NLGN1: variants seen among roughly 807,000 people sequenced by gnomAD.
NLGN1 encodes the protein neuroligin-1.
Under a neutral mutation model 65.5 loss-of-function variants are expected in NLGN1, and 12 were observed. That is an observed-to-expected ratio of 0.18 (90% CI 0.12 to 0.30). The LOEUF is 0.30. Among genes scored for constraint, NLGN1 ranks in the 10% least tolerant of loss-of-function variants. The probability of loss-of-function intolerance (pLI) is 1.00; values close to 1 mark genes in which losing one functional copy is unlikely to be tolerated. For missense variants in NLGN1, 750 were observed against 1,007.1 expected (o/e 0.74, Z 3.46); for synonymous variants, 350 against 359.5 (o/e 0.97, Z 0.30).
At chr3:174,201,252 A>G (rs977816526) in intron 4 of NLGN1, among the ~76,000 whole-genome samples, 10 of 146,724 alleles carry the variant, frequency 6.8e-5, no homozygotes, top group African/African-American at 2.3e-4. Flanking sequence ...CGAAAAGAAC[A>G]GGAACAGGAA....
chr3:174,175,495 C>T (rs1179269801), intron 4 of NLGN1, among the ~76,000 whole-genome samples: 1 of 151,578 alleles, frequency 6.6e-6, no homozygotes, highest in Non-Finnish European at 1.5e-5. Context: ...TATCTTTTTC[C>T]CTCCGTTTAT....
intron 3 of NLGN1, among the ~76,000 whole-genome samples, chr3:173,632,388 C>T (rs1031727824): frequency 1.3e-5 from 2 of 152,228 alleles, no homozygotes; most frequent in African/African-American, 2.4e-5. Flanking sequence ...AATCAAGTGA[C>T]GAAGTTCATC....
chr3:173,621,255 A>G (rs970969760), intron 3 of NLGN1, among the ~76,000 whole-genome samples: 1 of 152,142 alleles, frequency 6.6e-6, no homozygotes, highest in African/African-American at 2.4e-5. Context: ...TTTAGGTTGA[A>G]TCAGAAAGGT....
intron 3 of NLGN1, among the ~76,000 whole-genome samples, chr3:173,677,181 T>C (rs1195395348): frequency 6.6e-6 from 1 of 152,002 alleles, no homozygotes; most frequent in Non-Finnish European, 1.5e-5. Flanking sequence ...GAAGGTTGGC[T>C]ATTATCTGGC....
At chr3:173,551,912 C>T (rs1210790434) in intron 2 of NLGN1, among the ~76,000 whole-genome samples, 6 of 152,194 alleles carry the variant, frequency 3.9e-5, no homozygotes, top group Non-Finnish European at 8.8e-5. Flanking sequence ...GTTGTAGTGG[C>T]TGCTATTTGG....
intron 3 of NLGN1, among the ~76,000 whole-genome samples, chr3:173,792,670 T>G (rs1202284822): frequency 1.3e-5 from 2 of 152,084 alleles, no homozygotes; most frequent in Non-Finnish European, 2.9e-5. Flanking sequence ...CAATGGAACT[T>G]AAGAGATAAA....
chr3:173,610,714 T>C (rs1027673815), intron 3 of NLGN1, among the ~76,000 whole-genome samples: 1 of 151,956 alleles, frequency 6.6e-6, no homozygotes, highest in Non-Finnish European at 1.5e-5. Flanking sequence ...CAAGTGGGCA[T>C]AGTGATCAAC....
chr3:173,626,148 C>A (rs188410246), intron 3 of NLGN1, among the ~76,000 whole-genome samples: 8 of 151,872 alleles, frequency 5.3e-5, no homozygotes, highest in African/African-American at 1.9e-4. Context: ...AGCTATCAAG[C>A]GCTTGAAACA....
At chr3:173,976,143 T>C (rs571127040) in intron 4 of NLGN1, among the ~76,000 whole-genome samples, 3 of 152,100 alleles carry the variant, frequency 2.0e-5, no homozygotes, top group Non-Finnish European at 4.4e-5. Context: ...TATTCAACTA[T>C]GTTGCAAAAT....
intron 3 of NLGN1, among the ~76,000 whole-genome samples, chr3:173,669,082 T>C (rs965720406): frequency 6.6e-6 from 1 of 152,206 alleles, no homozygotes; most frequent in Non-Finnish European, 1.5e-5. Context: ...TGTTTATTTT[T>C]TTCCTGTAGA....
rs980727810 is a variant in NLGN1 at position 173,922,035 on chromosome 3, C to A, written c.646+114203C>A. 2.6e-5 allele frequency among the ~76,000 whole-genome samples: 4 copies of A among 152,196 alleles called. No homozygotes were observed. In the East Asian group the frequency reaches 7.7e-4, roughly 29 times the overall value. Reference sequence around the variant, plus strand: ...ATAATTCCTAAGCTTTACCTAATGTCTTTTGGTGGTGGTGGTGTTTCTTAG... The same window carrying A: ...ATAATTCCTAAGCTTTACCTAATGTATTTTGGTGGTGGTGGTGTTTCTTAG... On this transcript the variant is annotated intron_variant, in intron 4 of 6. Transcript: ENST00000457714.
chr3:173,908,118 C>T (rs184951229), intron 4 of NLGN1, among the ~76,000 whole-genome samples: 1 of 152,266 alleles, frequency 6.6e-6, no homozygotes, highest in African/African-American at 2.4e-5. Flanking sequence ...TTAGTTAAAA[C>T]TCTAAAAATA....
At position 174,200,065 on chromosome 3, in the gene NLGN1, A is replaced by C. The variant is rs953019207; in HGVS notation, c.647-75250A>C. On this transcript the variant is annotated intron_variant, in intron 4 of 6. Transcript: ENST00000457714. The stretch of plus-strand genomic sequence containing the variant: ...AGCTCCTCGTGTGATCAGCAGTGGG[A>C]TGCTGGGGTCTAATAATAATGGACC... 3.3e-5 allele frequency among the ~76,000 whole-genome samples: 5 copies of C among 152,166 alleles called. No individual in the cohort carries two copies. In the East Asian group the frequency reaches 7.7e-4, roughly 24 times the overall value.
intron 4 of NLGN1, among the ~76,000 whole-genome samples, chr3:174,173,127 A>G (rs535238228): frequency 6.6e-6 from 1 of 152,074 alleles, no homozygotes; most frequent in South Asian, 2.1e-4. Context: ...GGCTGTTGGC[A>G]TATAGAAATG....
chr3:173,500,159 G>A (rs1730808673), intron 2 of NLGN1, among the ~76,000 whole-genome samples: 2 of 152,188 alleles, frequency 1.3e-5, no homozygotes, highest in South Asian at 4.2e-4. Flanking sequence ...TCCAGTTTTT[G>A]TCCATTCATT....
Position 174,264,039 on chromosome 3 carries a change from C to T in NLGN1, c.647-11276C>T, listed in dbSNP as rs866822752. Among the ~76,000 whole-genome samples, 354 of 150,668 alleles carry T rather than the reference C, an allele frequency of 2.3e-3. 5 individuals are homozygous for T. Among genetic ancestry groups the T allele is most frequent in the African/African-American group, 7.1e-3 (288 of 40,792 alleles). Reference sequence around the variant, plus strand: ...CACTCTCTTCTGGCTTGTAGGGTTTCTGCCGAGAGATCCGCTGTTAGTCTG... The same window carrying T: ...CACTCTCTTCTGGCTTGTAGGGTTTTTGCCGAGAGATCCGCTGTTAGTCTG... On this transcript the variant is annotated intron_variant, in intron 4 of 6. Transcript: ENST00000457714.
intron 4 of NLGN1, among the ~76,000 whole-genome samples, chr3:174,254,835 A>T (rs550621310): frequency 6.6e-6 from 1 of 152,324 alleles, no homozygotes; most frequent in African/African-American, 2.4e-5. Context: ...TTGTAAACAC[A>T]GTGTAGTCTA....
At chr3:173,638,750 T>A (rs556783356) in intron 3 of NLGN1, among the ~76,000 whole-genome samples, 4 of 152,274 alleles carry the variant, frequency 2.6e-5, no homozygotes, top group South Asian at 2.1e-4. Flanking sequence ...AAAAATATGG[T>A]TCATAGTCTG....
chr3:173,497,182 G>A (rs1364469192), intron 2 of NLGN1, among the ~76,000 whole-genome samples: 3 of 151,746 alleles, frequency 2.0e-5, no homozygotes, highest in Non-Finnish European at 2.9e-5. Flanking sequence ...TCAGGAGTTC[G>A]AGACCAGCCT....
Sources: allele counts gnomAD v4.1 joint callset (sites outside exome capture counted in the v4.1 genomes callset), GRCh38; gene constraint gnomAD v4.1.1; transcripts MANE v1.5; gene names NCBI Gene and HGNC (gene_info 2026-07-23, HGNC 2026-07-21).